P2RY8: variants seen among roughly 807,000 people sequenced by gnomAD.
P2RY8 encodes the protein P2Y receptor family member 8.
P2RY8 carries 6 observed loss-of-function variants against 10.0 expected under a neutral mutation model. The ratio of observed to expected loss-of-function variants is 0.60; its 90% CI spans 0.33 to 1.19. The LOEUF is 1.19. P2RY8 is among the 50% of genes most tolerant of loss of function. The probability of loss-of-function intolerance (pLI) is 0.04; values close to 1 mark genes in which losing one functional copy is unlikely to be tolerated. For synonymous variants in P2RY8, 276 were observed against 252.5 expected (o/e 1.09, Z -0.88); for missense variants, 456 against 542.0 (o/e 0.84, Z 1.58).
chrX:1,470,922 C>T (rs35227223), intron 1 of P2RY8, among the ~76,000 whole-genome samples: 4,507 of 151,260 alleles, frequency 0.03, 109 homozygotes, highest in Non-Finnish European at 0.05. Flanking sequence ...GTGCAACCTC[C>T]GCCTCCTGGG....
intron 1 of P2RY8, among the ~76,000 whole-genome samples, chrX:1,492,809 G>T (rs1445149415): frequency 2.0e-5 from 3 of 152,074 alleles, no homozygotes; most frequent in Admixed American, 1.3e-4. Context: ...CCTGGGCTGA[G>T]ACATGGTTGT....
chrX:1,474,121 T>C (rs779276188), intron 1 of P2RY8, among the ~76,000 whole-genome samples: 257 of 146,312 alleles, frequency 1.8e-3, no homozygotes, highest in Non-Finnish European at 2.9e-3. Flanking sequence ...TAGGTGGATG[T>C]GTGGGTGGAT....
At chrX:1,510,926 C>T (rs2092294047) in intron 1 of P2RY8, among the ~76,000 whole-genome samples, 1 of 150,196 alleles carries the variant, frequency 6.7e-6, no homozygotes, top group Non-Finnish European at 1.5e-5. Flanking sequence ...CGCCTGTAAT[C>T]CCAACACTTT....
chrX:1,503,423 A>G (rs1322880511), intron 1 of P2RY8, among the ~76,000 whole-genome samples: 2 of 152,200 alleles, frequency 1.3e-5, no homozygotes, highest in African/African-American at 4.8e-5. Context: ...ACAAGTTTGA[A>G]AGATGCAGGC....
rs775311816 is a variant in P2RY8 at position 1,509,369 on chromosome X, A to G, written c.-25+27552T>C. On this transcript the variant is annotated intron_variant, in intron 1 of 1. Transcript: ENST00000381297. ...CATCCATCCATCCATCCATCCATCC[A>G]TCTATTCTATCTATCTATCTATCTA... Among the ~76,000 whole-genome samples, 15 of 142,236 alleles carry G rather than the reference A, an allele frequency of 1.1e-4. No homozygotes were observed. In the South Asian group the frequency reaches 3.4e-3, roughly 32 times the overall value. The allele number at this position is 142,236 out of a possible 152,430, so 93.3% of individuals were successfully genotyped here.
rs1569538714 is a variant in P2RY8 at position 1,524,680 on chromosome X, TCCA to T, written c.-25+12238_-25+12240del. Reference sequence around the variant, plus strand: ...ATCCATCCATCCATTCATCCATCCATCCATCCATCCATCCATCCATCCATCCAC... The same window carrying T: ...ATCCATCCATCCATTCATCCATCCATTCCATCCATCCATCCATCCATCCAC... On this transcript the variant is annotated intron_variant, in intron 1 of 1. Coordinates refer to ENST00000381297, the MANE Select transcript of P2RY8 (RefSeq NM_178129.5). Among the ~76,000 whole-genome samples, 188 of 117,986 alleles carry T rather than the reference TCCA, an allele frequency of 1.6e-3. 2 individuals are homozygous for T. Among genetic ancestry groups the T allele is most frequent in the Non-Finnish European group, 2.2e-3 (119 of 53,032 alleles). The allele number at this position is 117,986 out of a possible 152,430, so 77.4% of individuals were successfully genotyped here.
chrX:1,472,344 A>G (rs1174635034), intron 1 of P2RY8, among the ~76,000 whole-genome samples: 1 of 151,328 alleles, frequency 6.6e-6, no homozygotes, highest in Non-Finnish European at 1.5e-5. Context: ...GAGTGGATGG[A>G]TGGGTAGATG....
intron 1 of P2RY8, among the ~76,000 whole-genome samples, chrX:1,518,914 A>G (rs1392798622): frequency 2.0e-5 from 3 of 151,378 alleles, no homozygotes; most frequent in Admixed American, 6.6e-5. Flanking sequence ...CTGATCCCCA[A>G]TCATCTCCTT....
chrX:1,531,404 CA>C (rs1415668340), intron 1 of P2RY8, among the ~76,000 whole-genome samples: 3 of 152,184 alleles, frequency 2.0e-5, no homozygotes, highest in Admixed American at 2.0e-4. Flanking sequence ...CCCTCTCCAT[CA>C]GGGGTCCCCC....
At chrX:1,509,978 C>T (rs111161770) in intron 1 of P2RY8, among the ~76,000 whole-genome samples, 62,336 of 139,442 alleles carry the variant, frequency 0.45, 13,231 homozygotes, top group Middle Eastern at 0.56. Flanking sequence ...TCCATCCATC[C>T]ATCCATCATC....
In P2RY8 at chrX:1,493,053, C is replaced by T. The variant is rs866348873; in HGVS notation, c.-24-26471G>A. ...TCAGGCCAGGCGCACTTTGGGAGGC[C>T]GAAGCGGGTGGATCATGAGGTCGGG... is the stretch of plus-strand genomic sequence containing the variant. On this transcript the variant is annotated intron_variant, in intron 1 of 1. Transcript: ENST00000381297. 5.3e-5 allele frequency among the ~76,000 whole-genome samples: 8 copies of T among 151,344 alleles called. No individual in the cohort carries two copies. In the Middle Eastern group the frequency reaches 0.01, roughly 194 times the overall value.
chrX:1,508,715 T>C lies in P2RY8; in HGVS notation c.-25+28206A>G, dbSNP rs868651531. 1.1e-3 allele frequency among the ~76,000 whole-genome samples: 81 copies of C among 72,934 alleles called. 1 individual carries two copies. Among genetic ancestry groups the C allele is most frequent in the Middle Eastern group, 7.6e-3 (1 of 132 alleles). 47.8% of individuals were successfully genotyped at this position (72,934 alleles called of 152,430 possible). On this transcript the variant is annotated intron_variant, in intron 1 of 1. Transcript: ENST00000381297. Reference sequence around the variant, plus strand: ...CATCCATCCATCCATTCTATCTATCTATCTATCTATCTATCTATCTATCTA... The same window carrying C: ...CATCCATCCATCCATTCTATCTATCCATCTATCTATCTATCTATCTATCTA...
At chrX:1,492,915 G>C (rs1490540053) in intron 1 of P2RY8, among the ~76,000 whole-genome samples, 5 of 151,898 alleles carry the variant, frequency 3.3e-5, no homozygotes, top group Admixed American at 3.3e-4. Flanking sequence ...CCTCTTTCTG[G>C]TTGTAGGTCT....
chrX:1,534,384 A>C (rs1344258442), intron 1 of P2RY8, among the ~76,000 whole-genome samples: 6 of 151,754 alleles, frequency 4.0e-5, no homozygotes, highest in Non-Finnish European at 7.4e-5. Context: ...CACTCCCTGC[A>C]GTCCCCTGAG....
intron 1 of P2RY8, among the ~76,000 whole-genome samples, chrX:1,480,431 C>A (rs1420357560): frequency 7.3e-5 from 11 of 151,388 alleles, no homozygotes; most frequent in Non-Finnish European, 1.3e-4. Flanking sequence ...CTCTGTCAAC[C>A]AAGCTGGGGG....
intron 1 of P2RY8, among the ~76,000 whole-genome samples, chrX:1,511,671 C>T (rs2092298570): frequency 6.6e-6 from 1 of 152,162 alleles, no homozygotes; most frequent in African/African-American, 2.4e-5. Flanking sequence ...AGACAGGAGC[C>T]ACCTTGCCCA....
intron 1 of P2RY8, among the ~76,000 whole-genome samples, chrX:1,508,852 T>C (rs867192020): frequency 0.08 from 10,691 of 133,566 alleles, 233 homozygotes; most frequent in African/African-American, 0.24. Context: ...CATCCATCCA[T>C]TCATCCATCC....
chrX:1,505,948 TC>T (rs2092228648), intron 1 of P2RY8, among the ~76,000 whole-genome samples: 1 of 151,750 alleles, frequency 6.6e-6, no homozygotes, highest in South Asian at 2.1e-4. Context: ...CAAAAGAATA[TC>T]TTTTTTACAT....
intron 1 of P2RY8, among the ~76,000 whole-genome samples, chrX:1,510,007 T>C (rs1293364696): frequency 6.6e-6 from 1 of 152,100 alleles, no homozygotes; most frequent in Non-Finnish European, 1.5e-5. Context: ...TATGTATCTA[T>C]CCATTCATTG....
Sources: allele counts gnomAD v4.1 joint callset (sites outside exome capture counted in the v4.1 genomes callset), GRCh38; gene constraint gnomAD v4.1.1; transcripts MANE v1.5; gene names NCBI Gene and HGNC (gene_info 2026-07-23, HGNC 2026-07-21).